The following REEP1 variants were observed in gnomAD, a reference collection of about 807,000 sequenced individuals.
REEP1 encodes receptor accessory protein 1, also known as receptor expression-enhancing protein 1.
REEP1 carries 22 observed loss-of-function variants against 40.3 expected under a neutral mutation model. The observed-to-expected ratio is 0.55, with a 90% CI of 0.39 to 0.78. REEP1 has a LOEUF of 0.78. Among genes scored for constraint, REEP1 ranks in the 30% least tolerant of loss-of-function variants. The pLI, the probability that REEP1 is intolerant of heterozygous loss-of-function variation, is 0.00. For missense variants in REEP1, 280 were observed against 361.1 expected, an observed-to-expected ratio of 0.78 and a Z score of 1.82; for synonymous variants, 116 against 139.2, an observed-to-expected ratio of 0.83 and a Z score of 1.17.
intron 1 of REEP1, among the ~76,000 whole-genome samples, chr2:86,305,003 G>A (rs181034783): frequency 2.0e-5 from 3 of 152,224 alleles, no homozygotes; most frequent in Non-Finnish European, 4.4e-5. Context: ...AGGCAGACAG[G>A]CTCTATGGGC....
intron 5 of REEP1, among the ~76,000 whole-genome samples, chr2:86,241,604 T>C (rs945179184): frequency 1.6e-4 from 24 of 152,150 alleles, no homozygotes; most frequent in African/African-American, 5.5e-4. Flanking sequence ...TTAGGGTGTA[T>C]GTGTTGGGGT....
Position 86,337,194 on chromosome 2 carries a change from C to T in REEP1, c.32+285G>A. The T allele has an allele frequency of 5.3e-6, 1 of 190,020 alleles. No individual in the cohort carries two copies. Among genetic ancestry groups the T allele is most frequent in the East Asian group, 1.4e-4 (1 of 7,390 alleles). 11.8% of individuals were successfully genotyped at this position (190,020 alleles called of 1,614,324 possible). A position where few individuals can be genotyped will look rare whatever the true frequency, so the allele number is the denominator to read the frequency against. On this transcript the variant is annotated intron_variant, in intron 1 of 8. Coordinates refer to ENST00000538924, the MANE Select transcript of REEP1 (RefSeq NM_001371279.1). The surrounding 1 kb of genome is among the most constrained non-coding windows in gnomAD (Gnocchi z 5.8). ...GAGGAACAAAGCGGCCAGCGCGCGG[C>T]GAGACGCAGCCCCCACGGAACCCCC...
chr2:86,255,571 G>A (rs72940103), intron 3 of REEP1, among the ~76,000 whole-genome samples: 6,882 of 152,228 alleles, frequency 0.045, 545 homozygotes, highest in African/African-American at 0.16. Flanking sequence ...CTGAGCACCA[G>A]GTATAAGGAG....
chr2:86,290,949 C>T (rs1678663770), intron 1 of REEP1, among the ~76,000 whole-genome samples: 1 of 152,206 alleles, frequency 6.6e-6, no homozygotes, highest in South Asian at 2.1e-4. Context: ...GCCCACTATG[C>T]ATTTTGGTTC....
At chr2:86,235,153 C>T (rs1675246482) in intron 5 of REEP1, among the ~76,000 whole-genome samples, 1 of 152,156 alleles carries the variant, frequency 6.6e-6, no homozygotes, top group African/African-American at 2.4e-5. Context: ...TAACATGAAA[C>T]ACCAAAAATA....
chr2:86,310,987 A>C (rs562717441), intron 1 of REEP1, among the ~76,000 whole-genome samples: 1 of 152,320 alleles, frequency 6.6e-6, no homozygotes, highest in South Asian at 2.1e-4. Flanking sequence ...CAGAACAAAG[A>C]ATCTACTTCA....
intron 1 of REEP1, among the ~76,000 whole-genome samples, chr2:86,290,585 A>G (rs570563891): frequency 2.6e-4 from 39 of 152,326 alleles, no homozygotes; most frequent in African/African-American, 8.9e-4. Context: ...TCCTGATGTC[A>G]GAAGGTCCAT....
chr2:86,291,750 C>T (rs1002321250), intron 1 of REEP1, among the ~76,000 whole-genome samples: 1 of 152,204 alleles, frequency 6.6e-6, no homozygotes, highest in African/African-American at 2.4e-5. Context: ...TGGCCATTCC[C>T]CGTTCCATAC....
In REEP1 at chr2:86,254,825, A is replaced by G. The variant is rs780469595; in HGVS notation, c.183-11T>C. On this transcript the variant is annotated splice_polypyrimidine_tract_variant and intron_variant, in intron 3 of 8. Transcript: ENST00000538924. ...TAATAGAATGGAAACCTGGAGAGAG[A>G]GATGAAAACACAAGTTCTGTTAGGT... 6.2e-7 allele frequency: 1 copy of G among 1,613,716 alleles called. No homozygotes were observed. The highest frequency in any genetic ancestry group is 1.1e-5 in the South Asian group (1 of 91,072).
intron 1 of REEP1, among the ~76,000 whole-genome samples, chr2:86,321,701 G>T (rs969413210): frequency 1.3e-5 from 2 of 152,186 alleles, no homozygotes; most frequent in East Asian, 3.8e-4. Flanking sequence ...AGACCAAAAA[G>T]AAATCACATT....
intron 5 of REEP1, among the ~76,000 whole-genome samples, chr2:86,249,428 C>T (rs1031332013): frequency 6.6e-6 from 1 of 152,132 alleles, no homozygotes; most frequent in South Asian, 2.1e-4. Context: ...GGTGAATCTG[C>T]ATTCCAGGAA....
At chr2:86,270,544 G>A (rs1677388259) in intron 2 of REEP1, among the ~76,000 whole-genome samples, 2 of 152,156 alleles carry the variant, frequency 1.3e-5, no homozygotes, top group South Asian at 4.1e-4. Context: ...AAAAGAAAAT[G>A]TGAATACAAT....
chr2:86,274,265 G>A (rs1677621460), intron 2 of REEP1, among the ~76,000 whole-genome samples: 1 of 152,194 alleles, frequency 6.6e-6, no homozygotes. Flanking sequence ...AGGCAGAAGA[G>A]TTTGAGCTTT....
At chr2:86,240,979 G>A (rs903312436) in intron 5 of REEP1, among the ~76,000 whole-genome samples, 4 of 152,206 alleles carry the variant, frequency 2.6e-5, no homozygotes, top group Non-Finnish European at 5.9e-5. Context: ...TGGGAGGTGA[G>A]GAGTGGAAGC....
rs201923066 is a variant in REEP1, at chr2:86,217,890, TG to T, written c.784-781del. Among the ~76,000 whole-genome samples, 1,475 of 152,142 alleles carry T rather than the reference TG, an allele frequency of 9.7e-3. 20 individuals are homozygous for T. The highest frequency in any genetic ancestry group is 0.034 in the African/African-American group (1,396 of 41,484). On this transcript the variant is annotated intron_variant, in intron 8 of 8. Transcript: ENST00000538924. ...GACTCTCAAGAGACCCCTCCTTCCA[TG>T]GGATACACAGATCACAGGAGGAGTT... is the stretch of plus-strand genomic sequence containing the variant.
chr2:86,337,535 CCGGGCGGCGCGGCTCGGCTAGGCTG>C lies in REEP1; in HGVS notation c.-50_-26del, dbSNP rs1553472241. ...TGGCGGGCAGGCGGGCGGGCGAGGCCCGGGCGGCGCGGCTCGGCTAGGCTGCGGGCGGCGCGGGCTGCTGCGGCGT... is the reference window on the plus strand; with the variant it reads ...TGGCGGGCAGGCGGGCGGGCGAGGCCCGGGCGGCGCGGGCTGCTGCGGCGT... On this transcript the variant is annotated 5_prime_UTR_variant, in exon 1 of 9. Coordinates refer to ENST00000538924, the MANE Select transcript of REEP1 (RefSeq NM_001371279.1). The surrounding 1 kb of genome is among the most constrained non-coding windows in gnomAD (Gnocchi z 5.8). 7 of 1,246,270 alleles carry C rather than the reference CCGGGCGGCGCGGCTCGGCTAGGCTG, an allele frequency of 5.6e-6. No homozygotes were observed. In the South Asian group the frequency reaches 9.2e-5, roughly 16 times the overall value. 77.2% of individuals were successfully genotyped at this position (1,246,270 alleles called of 1,614,324 possible). A position where few individuals can be genotyped will look rare whatever the true frequency, so the allele number is the denominator to read the frequency against.
At chr2:86,244,108 G>GT (rs577814857) in intron 5 of REEP1, among the ~76,000 whole-genome samples, 42 of 152,046 alleles carry the variant, frequency 2.8e-4, no homozygotes, top group Admixed American at 1.2e-3. Context: ...TTAACAGGTA[G>GT]TTTTTTTTGC....
chr2:86,294,513 T>C (rs1327867194), intron 1 of REEP1, among the ~76,000 whole-genome samples: 1 of 152,216 alleles, frequency 6.6e-6, no homozygotes, highest in Admixed American at 6.5e-5. Context: ...ATCTGTTTGA[T>C]GCGACAATGC....
chr2:86,216,929 G>C lies in REEP1; in HGVS notation c.*110C>G. 2 of 839,568 alleles carry C rather than the reference G, an allele frequency of 2.4e-6. No individual in the cohort carries two copies. The highest frequency in any genetic ancestry group is 4.0e-6 in the Non-Finnish European group (2 of 500,492). The allele number at this position is 839,568 out of a possible 1,614,324, so 52.0% of individuals were successfully genotyped here. On this transcript the variant is annotated 3_prime_UTR_variant, in exon 9 of 9. Coordinates refer to ENST00000538924, the MANE Select transcript of REEP1 (RefSeq NM_001371279.1). ...AGAGAGAAAAGGCCATGTTTGTGAG[G>C]CTGCACACTCAAAGCACACCCAGCT...
Sources: gnomAD v4.1 joint callset for allele counts (sites outside exome capture counted in the v4.1 genomes callset) on GRCh38, gnomAD v4.1.1 for gene constraint, Gnocchi (gnomAD v3.1) non-coding constraint, MANE v1.5 for transcripts, NCBI Gene and HGNC (gene_info 2026-07-23, HGNC 2026-07-21) for gene names.